Variants in HOXD3 observed in about 807,000 individuals in gnomAD.
The protein encoded by HOXD3 is homeobox protein Hox-D3.
In HOXD3, 13 loss-of-function variants were observed where a neutral mutation model predicts 32.8. The observed-to-expected ratio is 0.40, with a 90% confidence interval of 0.26 to 0.63. The LOEUF (loss-of-function observed/expected upper bound fraction) is 0.63, where lower values mean the gene tolerates loss of function less well. Among genes scored for constraint, HOXD3 ranks in the 20% least tolerant of loss-of-function variants. The probability of loss-of-function intolerance (pLI) is 0.44; values close to 1 mark genes in which losing one functional copy is unlikely to be tolerated. For synonymous variants in HOXD3, 241 were observed against 246.8 expected, an observed-to-expected ratio of 0.98 and a Z score of 0.22; for missense variants, 504 against 577.1, an observed-to-expected ratio of 0.87 and a Z score of 1.30.
At chr2:176,158,283 G>A (rs1690692709) in intron 1 of HOXD3, among the ~76,000 whole-genome samples, 1 of 152,210 alleles carries the variant, frequency 6.6e-6, no homozygotes, top group South Asian at 2.1e-4. Flanking sequence ...AGGCCAGTGC[G>A]GGCTGCAGAA....
chr2:176,159,234 GT>G (rs1690722882), intron 1 of HOXD3, among the ~76,000 whole-genome samples: 1 of 151,708 alleles, frequency 6.6e-6, no homozygotes, highest in Non-Finnish European at 1.5e-5. Context: ...GGTCCTCCGG[GT>G]GGGGGTGGGC....
intron 1 of HOXD3, among the ~76,000 whole-genome samples, chr2:176,160,407 C>T (rs1690763205): frequency 6.6e-6 from 1 of 152,190 alleles, no homozygotes; most frequent in Admixed American, 6.5e-5. Flanking sequence ...GGCGGCCAGG[C>T]CAAGACTGAG....
intron 1 of HOXD3, among the ~76,000 whole-genome samples, chr2:176,158,073 T>TC (rs1208276538): frequency 2.6e-5 from 4 of 152,150 alleles, no homozygotes; most frequent in East Asian, 1.9e-4. Context: ...GAGTTGCCTC[T>TC]CCCCCCGCTC....
chr2:176,171,555 T>C lies in HOXD3; in HGVS notation c.580T>C (p.Ser194Pro), dbSNP rs1212523441. Residue 194 changes from serine to proline, a missense_variant, in exon 4 of 4, where the codon TCC (serine) becomes CCC (proline). By Grantham distance (74) the Ser-to-Pro change is moderately conservative. This residue lies in a region of HOXD3 where 97 missense variants were observed against 158.0 expected (regional missense o/e 0.61). Coordinates refer to ENST00000683222, the MANE Select transcript of HOXD3 (RefSeq NM_006898.5). Reference sequence around the variant, plus strand: ...GGACAAGAGCCCGCCAGGCCCAGCATCCAAGCGGGTACGCACGGCATACAC... The same window carrying C: ...GGACAAGAGCCCGCCAGGCCCAGCACCCAAGCGGGTACGCACGGCATACAC... The part of the protein sequence containing the change: ...CEDKSPPGPA[S>P]KRVRTAYTSA... The C allele has an allele frequency of 1.2e-6, 2 of 1,605,758 alleles. No individual in the cohort carries two copies. The highest frequency in any genetic ancestry group is 2.7e-5 in the African/African-American group (2 of 74,828).
At chr2:176,166,212 G>T (rs1357726573) in intron 2 of HOXD3, among the ~76,000 whole-genome samples, 1 of 152,160 alleles carries the variant, frequency 6.6e-6, no homozygotes, top group African/African-American at 2.4e-5. Context: ...TACTTTTGAG[G>T]TCTGTACACA....
chr2:176,167,325 T>C (rs574729052), intron 2 of HOXD3, among the ~76,000 whole-genome samples: 3 of 152,316 alleles, frequency 2.0e-5, no homozygotes, highest in South Asian at 2.1e-4. Context: ...ATTTATACAA[T>C]AGATCCAAGG....
At chr2:176,158,913 C>T (rs1029742398) in intron 1 of HOXD3, among the ~76,000 whole-genome samples, 1 of 151,668 alleles carries the variant, frequency 6.6e-6, no homozygotes, top group Non-Finnish European at 1.5e-5. Flanking sequence ...GCTGGCAGCC[C>T]GGCAGCCAAC....
rs751161792 is a variant in HOXD3, at chr2:176,169,300, C to T, written c.186C>T (p.Asp62=). The change falls in exon 3 of 4, where the codon GAC becomes GAT. Residue 62 remains aspartate, a synonymous_variant. Coordinates refer to ENST00000683222, the MANE Select transcript of HOXD3 (RefSeq NM_006898.5). ...CTGCTGCCAGCTCCCTGGACACTGA[C>T]TATCCAGGTTCTGCCTGCTCCATCC... is the stretch of plus-strand genomic sequence containing the variant. ...PPAAASSLDT[D]YPGSACSIQS... 9.3e-6 allele frequency: 15 copies of T among 1,614,136 alleles called. 1 individual carries two copies. The Admixed American group carries it at 2.5e-4, about 27-fold the overall frequency.
At chr2:176,170,034 G>GA (rs1387787019) in intron 3 of HOXD3, among the ~76,000 whole-genome samples, 4 of 152,070 alleles carry the variant, frequency 2.6e-5, no homozygotes, top group Non-Finnish European at 5.9e-5. Context: ...CATATCACAC[G>GA]AATCTCATTC....
At chr2:176,161,111 T>C (rs1004419286) in intron 1 of HOXD3, 8 of 152,246 alleles carry the variant, frequency 5.3e-5, no homozygotes, top group Non-Finnish European at 8.8e-5. Flanking sequence ...ATGGAAATCT[T>C]TGGGCACGGG....
At chr2:176,162,537 G>C (rs1690840999) in intron 1 of HOXD3, among the ~76,000 whole-genome samples, 1 of 152,174 alleles carries the variant, frequency 6.6e-6, no homozygotes, top group Admixed American at 6.5e-5. Flanking sequence ...TGAGAATCTG[G>C]GCAAACAAGG....
At chr2:176,152,901 CCG>C, upstream of HOXD3, 1 of 1,614,198 alleles carries the variant, frequency 6.2e-7, no homozygotes, top group Non-Finnish European at 8.5e-7. This position sits in a 1 kb window ranked among gnomAD's most constrained non-coding sequence, Gnocchi z 5.2. Flanking sequence ...GCATTTACAG[CCG>C]ATGGCCAAAG....
At chr2:176,154,899 G>C (rs753593197), upstream of HOXD3, among the ~76,000 whole-genome samples, 1 of 152,308 alleles carries the variant, frequency 6.6e-6, no homozygotes, top group Non-Finnish European at 1.5e-5. Flanking sequence ...TAGTCAAGAC[G>C]TCTTTTTTCT....
At chr2:176,170,141 G>A (rs762996900) in intron 3 of HOXD3, among the ~76,000 whole-genome samples, 4 of 152,178 alleles carry the variant, frequency 2.6e-5, no homozygotes, top group Admixed American at 6.5e-5. Flanking sequence ...TTTGAGGTAG[G>A]TATATGATAA....
upstream of HOXD3, chr2:176,152,787 C>A: frequency 6.2e-7 from 1 of 1,614,200 alleles, no homozygotes; most frequent in Non-Finnish European, 8.5e-7. The surrounding 1 kb of genome is among the most constrained non-coding windows in gnomAD (Gnocchi z 5.2). Flanking sequence ...GTTCCAGAAC[C>A]GGAGGATGAA....
At chr2:176,152,995 G>A, upstream of HOXD3, 1 of 1,569,624 alleles carries the variant, frequency 6.4e-7, no homozygotes, top group South Asian at 1.1e-5. This position sits in a 1 kb window ranked among gnomAD's most constrained non-coding sequence, Gnocchi z 5.2. Flanking sequence ...AGCCGAAGCT[G>A]CGGGGGCAGG....
intron 2 of HOXD3, among the ~76,000 whole-genome samples, chr2:176,166,863 G>A (rs1690985945): frequency 6.6e-6 from 1 of 152,196 alleles, no homozygotes; most frequent in Non-Finnish European, 1.5e-5. Flanking sequence ...TAGGCTGTTT[G>A]GTGCAGGTGG....
At chr2:176,171,336 G>A (rs531214948) in intron 3 of HOXD3, among the ~76,000 whole-genome samples, 181 bp from the exon 4 acceptor site, 1 of 152,228 alleles carries the variant, frequency 6.6e-6, no homozygotes, top group Non-Finnish European at 1.5e-5. Flanking sequence ...CCTAGTAGGG[G>A]GTTGGTAGGT....
intron 1 of HOXD3, among the ~76,000 whole-genome samples, chr2:176,158,200 GAGA>G (rs1269239715): frequency 6.6e-6 from 1 of 152,168 alleles, no homozygotes; most frequent in African/African-American, 2.4e-5. Flanking sequence ...AAATAAACGC[GAGA>G]AGAAGTCCCT....
Sources: allele counts gnomAD v4.1 joint callset (sites outside exome capture counted in the v4.1 genomes callset), GRCh38; gene constraint gnomAD v4.1.1; regional missense constraint gnomAD v4.1.1; non-coding constraint Gnocchi (gnomAD v3.1); transcripts MANE v1.5; gene names NCBI Gene and HGNC (gene_info 2026-07-23, HGNC 2026-07-21).